HDGFL3: variants seen among roughly 807,000 people sequenced by gnomAD.
HDGFL3 encodes the protein HDGF like 3, also known as hepatoma-derived growth factor-related protein 3.
In HDGFL3, 6 loss-of-function variants were observed where a neutral mutation model predicts 27.6. The ratio of observed to expected loss-of-function variants is 0.22; its 90% CI spans 0.12 to 0.43. The LOEUF is 0.43. Among genes scored for constraint, HDGFL3 ranks in the 20% least tolerant of loss-of-function variants. The pLI, the probability that HDGFL3 is intolerant of heterozygous loss-of-function variation, is 1.00. For synonymous variants in HDGFL3, 88 were observed against 88.9 expected, an observed-to-expected ratio of 0.99 and a Z score of 0.05; for missense variants, 207 against 250.1, an observed-to-expected ratio of 0.83 and a Z score of 1.16.
Position 83,157,397 on chromosome 15 carries a change from G to A in HDGFL3, c.459+18C>T. The A allele has an allele frequency of 1.2e-6, 2 of 1,606,448 alleles. No individual in the cohort carries two copies. Among genetic ancestry groups the A allele is most frequent in the Non-Finnish European group, 8.5e-7 (1 of 1,173,832 alleles). On this transcript the variant is annotated intron_variant, in intron 4 of 5. Coordinates refer to ENST00000299633, the MANE Select transcript of HDGFL3 (RefSeq NM_016073.4). ...ATATGCATATAACATTAATAACAAT[G>A]AGAAGTTTCTTAGTAACCTTTGAAG...
chr15:83,203,393 T>C (rs1299926911), intron 1 of HDGFL3, among the ~76,000 whole-genome samples: 1 of 152,060 alleles, frequency 6.6e-6, no homozygotes, highest in Non-Finnish European at 1.5e-5. Context: ...TTTATTCACG[T>C]TGAGTATACT....
At position 83,164,132 on chromosome 15, in the gene HDGFL3, A is replaced by G. The variant is rs74028248; in HGVS notation, c.85-57T>C. 4.2e-4 allele frequency: 435 copies of G among 1,024,766 alleles called. 2 individuals are homozygous for G. In the African/African-American group the frequency reaches 6.6e-3, roughly 16 times the overall value. The allele number at this position is 1,024,766 out of a possible 1,614,324, so 63.5% of individuals were successfully genotyped here. A position where few individuals can be genotyped will look rare whatever the true frequency, so the allele number is the denominator to read the frequency against. On this transcript the variant is annotated intron_variant, in intron 1 of 5. Transcript: ENST00000299633. ...TGGTTATCATAAATACAATGTGAGC[A>G]TTGTTCTGATAATTTACTGCTAATT...
chr15:83,153,475 T>C (rs1273739404), intron 4 of HDGFL3, among the ~76,000 whole-genome samples: 4 of 152,218 alleles, frequency 2.6e-5, no homozygotes, highest in Non-Finnish European at 5.9e-5. Context: ...GTTTTATTAA[T>C]GAGTCACAAC....
chr15:83,157,713 A>T (rs777755718), intron 3 of HDGFL3, 140 bp from the exon 4 acceptor site: 5 of 986,976 alleles, frequency 5.1e-6, no homozygotes, highest in Non-Finnish European at 7.5e-6. Flanking sequence ...TGTCAAACTG[A>T]ATTTTCCAAT....
intron 3 of HDGFL3, among the ~76,000 whole-genome samples, chr15:83,120,855 C>T (rs989423837): frequency 6.6e-6 from 1 of 151,546 alleles, no homozygotes; most frequent in Admixed American, 6.6e-5. Context: ...CGTGAACCAC[C>T]GTGCCCGGCT....
chr15:83,168,905 A>T (rs1479166991), intron 1 of HDGFL3, among the ~76,000 whole-genome samples: 6 of 152,202 alleles, frequency 3.9e-5, no homozygotes, highest in African/African-American at 1.4e-4. Context: ...ATTCAACAGC[A>T]CATCAAAAAG....
At chr15:83,198,959 ATGTGCACGTAC>A (rs1263346865) in intron 1 of HDGFL3, among the ~76,000 whole-genome samples, 1 of 152,190 alleles carries the variant, frequency 6.6e-6, no homozygotes, top group Admixed American at 6.5e-5. Flanking sequence ...GTGTGCATGC[ATGTGCACGTAC>A]TGGGATGGGA....
At chr15:83,195,006 T>C (rs2037552876) in intron 1 of HDGFL3, among the ~76,000 whole-genome samples, 1 of 152,186 alleles carries the variant, frequency 6.6e-6, no homozygotes, top group Admixed American at 6.5e-5. Flanking sequence ...CTCTTTCTAA[T>C]GGTAAGACTA....
intron 1 of HDGFL3, among the ~76,000 whole-genome samples, chr15:83,175,753 G>A (rs935128973): frequency 4.6e-5 from 7 of 152,146 alleles, no homozygotes; most frequent in Non-Finnish European, 7.4e-5. Flanking sequence ...CCAGCTACTC[G>A]GGAGGCTGAG....
intron 2 of HDGFL3, among the ~76,000 whole-genome samples, chr15:83,161,747 C>T (rs2037104388): frequency 6.6e-6 from 1 of 152,122 alleles, no homozygotes; most frequent in Non-Finnish European, 1.5e-5. Flanking sequence ...ATAAACAACC[C>T]TGTTTTTTTC....
chr15:83,164,999 AAGTGAGTATTTACAAG>A (rs1159652126), intron 1 of HDGFL3, among the ~76,000 whole-genome samples: 1 of 152,208 alleles, frequency 6.6e-6, no homozygotes, highest in Non-Finnish European at 1.5e-5. Context: ...TCAATTACAA[AAGTGAGTATTTACAAG>A]AAGAAAATAA....
rs542181259 is a variant in HDGFL3, at chr15:83,173,667, A to C, written c.85-9592T>G. On this transcript the variant is annotated intron_variant, in intron 1 of 5. Coordinates refer to ENST00000299633, the MANE Select transcript of HDGFL3 (RefSeq NM_016073.4). ...TCTTTCCAAGCAACCCCATTCACTT[A>C]GATGATTTTAACTTTTGCCATTATT... Among the ~76,000 whole-genome samples, 101 of 152,256 alleles carry C rather than the reference A, an allele frequency of 6.6e-4. 1 individual carries two copies. Among genetic ancestry groups the C allele is most frequent in the African/African-American group, 2.3e-3 (94 of 41,544 alleles).
At chr15:83,181,252 T>C (rs2037378377) in intron 1 of HDGFL3, among the ~76,000 whole-genome samples, 1 of 152,142 alleles carries the variant, frequency 6.6e-6, no homozygotes, top group South Asian at 2.1e-4. Flanking sequence ...ATGCAGGCTG[T>C]ATAAAGGGGA....
intron 1 of HDGFL3, among the ~76,000 whole-genome samples, chr15:83,167,182 T>C (rs2037180611): frequency 6.6e-6 from 1 of 152,182 alleles, no homozygotes; most frequent in Non-Finnish European, 1.5e-5. Context: ...GAAAAAGATC[T>C]ACCATGTGAA....
intron 1 of HDGFL3, among the ~76,000 whole-genome samples, chr15:83,182,969 C>A (rs2151416805): frequency 6.6e-6 from 1 of 152,188 alleles, no homozygotes; most frequent in Non-Finnish European, 1.5e-5. Context: ...TGGGTGTTCA[C>A]CGTGATATTC....
chr15:83,191,174 A>C (rs569298672), intron 1 of HDGFL3, among the ~76,000 whole-genome samples: 1 of 152,246 alleles, frequency 6.6e-6, no homozygotes, highest in Non-Finnish European at 1.5e-5. Context: ...TTACTATTTG[A>C]ACAATTCTGT....
At chr15:83,161,285 T>C (rs1314092263) in intron 2 of HDGFL3, among the ~76,000 whole-genome samples, 1 of 152,176 alleles carries the variant, frequency 6.6e-6, no homozygotes, top group Non-Finnish European at 1.5e-5. Flanking sequence ...TCCTCCCACC[T>C]CAGCCTCCTG....
intron 4 of HDGFL3, among the ~76,000 whole-genome samples, chr15:83,153,541 A>G (rs2036990456): frequency 6.6e-6 from 1 of 152,184 alleles, no homozygotes; most frequent in Non-Finnish European, 1.5e-5. Context: ...AATCTTGAAA[A>G]GCTTTTCAGA....
chr15:83,160,220 C>T (rs1297036304), intron 2 of HDGFL3, among the ~76,000 whole-genome samples: 2 of 151,306 alleles, frequency 1.3e-5, no homozygotes, highest in African/African-American at 4.9e-5. Context: ...CGGAGTCTCA[C>T]TTTGTCGCCA....
Sources: allele counts gnomAD v4.1 joint callset (sites outside exome capture counted in the v4.1 genomes callset), GRCh38; gene constraint gnomAD v4.1.1; transcripts MANE v1.5; gene names NCBI Gene and HGNC (gene_info 2026-07-23, HGNC 2026-07-21).